Variants in TLN2 observed in about 807,000 individuals in gnomAD.
TLN2 encodes talin 2.
In TLN2, 118 loss-of-function variants were observed where a neutral mutation model predicts 294.7. The ratio of observed to expected loss-of-function variants is 0.40; its 90% CI spans 0.34 to 0.47. The LOEUF is 0.47. Among genes scored for constraint, TLN2 ranks in the 20% least tolerant of loss-of-function variants. TLN2 has a pLI of 0.84. For missense variants in TLN2, 3,083 were observed against 3,282.2 expected (o/e 0.94, Z 1.48); for synonymous variants, 1,431 against 1,304.5 (o/e 1.10, Z -2.09).
chr15:62,784,705 A>G (rs769966578), intron 45 of TLN2: 1 of 152,222 alleles, frequency 6.6e-6, no homozygotes, highest in Non-Finnish European at 1.5e-5. Flanking sequence ...CCCAATTTAA[A>G]ATGAAGATTA....
At chr15:62,704,813 C>T (rs1039026198) in intron 19 of TLN2, among the ~76,000 whole-genome samples, 1 of 152,184 alleles carries the variant, frequency 6.6e-6, no homozygotes, top group Admixed American at 6.5e-5. Flanking sequence ...CCAAACTGCC[C>T]TTGCATTGGC....
chr15:62,538,965 A>G (rs1313719915), intron 1 of TLN2, among the ~76,000 whole-genome samples: 1 of 152,218 alleles, frequency 6.6e-6, no homozygotes, highest in African/African-American at 2.4e-5. Context: ...AAAATGTAAA[A>G]GATCTTAAAG....
At chr15:62,603,192 G>A (rs1197677504) in intron 2 of TLN2, among the ~76,000 whole-genome samples, 3 of 152,058 alleles carry the variant, frequency 2.0e-5, no homozygotes, top group African/African-American at 4.8e-5. Flanking sequence ...GCGCCCGGCC[G>A]AGGCGTTTGG....
At chr15:62,807,443 C>T (rs1328112811) in intron 51 of TLN2, among the ~76,000 whole-genome samples, 2 of 152,306 alleles carry the variant, frequency 1.3e-5, no homozygotes, top group African/African-American at 4.8e-5. Flanking sequence ...GAAATTAGCT[C>T]TCCTGATTTC....
At chr15:62,578,019 G>T (rs139293440) in intron 1 of TLN2, among the ~76,000 whole-genome samples, 1,953 of 152,262 alleles carry the variant, frequency 0.013, 42 homozygotes, top group African/African-American at 0.045. Context: ...TAAAGGACAT[G>T]AACTCATCCT....
At chr15:62,446,557 G>A (rs1195078242) in intron 1 of TLN2, among the ~76,000 whole-genome samples, 1 of 152,078 alleles carries the variant, frequency 6.6e-6, no homozygotes, top group Non-Finnish European at 1.5e-5. Flanking sequence ...TTCTAGTCAT[G>A]GTTCTACTGT....
At chr15:62,579,017 A>G (rs1281918544) in intron 1 of TLN2, among the ~76,000 whole-genome samples, 3 of 152,180 alleles carry the variant, frequency 2.0e-5, no homozygotes, top group Non-Finnish European at 2.9e-5. Context: ...AAATTTAGAG[A>G]AATGCAAGAG....
chr15:62,674,887 T>C (rs1052804077), intron 10 of TLN2, among the ~76,000 whole-genome samples: 2 of 152,222 alleles, frequency 1.3e-5, no homozygotes, highest in African/African-American at 4.8e-5. Context: ...CTCTCAACCA[T>C]TTGGGACGTG....
intron 1 of TLN2, among the ~76,000 whole-genome samples, chr15:62,469,057 A>C (rs1425922064): frequency 6.6e-6 from 1 of 152,234 alleles, no homozygotes; most frequent in Non-Finnish European, 1.5e-5. Context: ...TGAAGGCAGG[A>C]GTAGGTGGTA....
At chr15:62,551,661 T>G (rs2042320848) in intron 1 of TLN2, among the ~76,000 whole-genome samples, 4 of 152,298 alleles carry the variant, frequency 2.6e-5, no homozygotes, top group Non-Finnish European at 1.5e-5. Flanking sequence ...ACCGTGCCAT[T>G]GCACTCCAGC....
intron 42 of TLN2, among the ~76,000 whole-genome samples, chr15:62,775,687 C>T (rs982015409): frequency 2.6e-5 from 4 of 152,230 alleles, no homozygotes; most frequent in African/African-American, 9.6e-5. Context: ...CCACTGGCTT[C>T]TTTACCTTCT....
chr15:62,592,210 T>C (rs902877550), intron 2 of TLN2, among the ~76,000 whole-genome samples: 20 of 152,186 alleles, frequency 1.3e-4, no homozygotes, highest in Non-Finnish European at 8.8e-5. Flanking sequence ...GCCTGCACAA[T>C]CCTAGCTGCT....
At chr15:62,779,039 C>T (rs951557012) in intron 43 of TLN2, among the ~76,000 whole-genome samples, 1 of 152,238 alleles carries the variant, frequency 6.6e-6, no homozygotes, top group African/African-American at 2.4e-5. Context: ...TACTATTAGA[C>T]TCACTGTCTG....
At chr15:62,731,636 T>A (rs2060732026) in intron 28 of TLN2, among the ~76,000 whole-genome samples, 1 of 152,300 alleles carries the variant, frequency 6.6e-6, no homozygotes, top group African/African-American at 2.4e-5. Flanking sequence ...CCTAGCCCCA[T>A]GAGATATCAA....
intron 2 of TLN2, among the ~76,000 whole-genome samples, chr15:62,600,057 T>A (rs531300046): frequency 6.6e-6 from 1 of 152,176 alleles, no homozygotes; most frequent in African/African-American, 2.4e-5. Flanking sequence ...CTAGAGCGGG[T>A]AGAGCAGCTT....
chr15:62,546,725 C>T (rs567208456), intron 1 of TLN2, among the ~76,000 whole-genome samples: 3 of 152,270 alleles, frequency 2.0e-5, no homozygotes, highest in South Asian at 2.1e-4. Flanking sequence ...GGCCACACAG[C>T]GAAGGCGGAG....
intron 1 of TLN2, among the ~76,000 whole-genome samples, chr15:62,525,111 C>A (rs1322838459): frequency 2.6e-5 from 4 of 152,222 alleles, no homozygotes; most frequent in African/African-American, 7.2e-5. Context: ...CTGTAAGGCA[C>A]TTGCCCAAGG....
intron 1 of TLN2, among the ~76,000 whole-genome samples, chr15:62,466,434 C>A (rs1321155261): frequency 6.6e-6 from 1 of 152,220 alleles, no homozygotes; most frequent in Non-Finnish European, 1.5e-5. Flanking sequence ...TCAGCAGCAT[C>A]CCTGGCCTCT....
In TLN2 at chr15:62,717,705, A is replaced by G. The variant is rs745785851; in HGVS notation, c.2877+16A>G. On this transcript the variant is annotated intron_variant, in intron 24 of 58. Coordinates refer to ENST00000636159, the MANE Select transcript of TLN2 (RefSeq NM_015059.3). ...GAGTTGCAAGGTGAGGTTCCAGTGC[A>G]CAGAGAGCCAGGTCAGCTGCAGATG... 13 of 1,536,984 alleles carry G rather than the reference A, an allele frequency of 8.5e-6. No individual in the cohort carries two copies. In the East Asian group the frequency reaches 1.4e-4, roughly 17 times the overall value.
Sources: gnomAD v4.1 joint callset for allele counts (sites outside exome capture counted in the v4.1 genomes callset) on GRCh38, gnomAD v4.1.1 for gene constraint, MANE v1.5 for transcripts, NCBI Gene and HGNC (gene_info 2026-07-23, HGNC 2026-07-21) for gene names.